The following DNAJB14 variants were observed in gnomAD, a reference collection of about 807,000 sequenced individuals.
DNAJB14 encodes dnaJ homolog subfamily B member 14.
Under a neutral mutation model 48.4 loss-of-function variants are expected in DNAJB14, and 22 were observed. The observed-to-expected ratio is 0.45, with a 90% CI of 0.32 to 0.65. The LOEUF is 0.65. Ranked by LOEUF, DNAJB14 falls within the 30% of genes least tolerant of loss-of-function variation. The pLI is 0.03. For missense variants in DNAJB14, 319 were observed against 458.8 expected (o/e 0.70, Z 2.78); for synonymous variants, 142 against 158.7 (o/e 0.89, Z 0.79).
intron 1 of DNAJB14, among the ~76,000 whole-genome samples, chr4:99,939,229 G>T (rs1726801299): frequency 1.3e-5 from 2 of 152,188 alleles, no homozygotes. Flanking sequence ...GGACATGGTG[G>T]TGCATGCCTG....
chr4:99,919,457 C>A (rs1242045052), intron 3 of DNAJB14, among the ~76,000 whole-genome samples: 1 of 151,964 alleles, frequency 6.6e-6, no homozygotes, highest in Non-Finnish European at 1.5e-5. Context: ...TGGTGGCAGG[C>A]GCCTGTAATC....
intron 1 of DNAJB14, among the ~76,000 whole-genome samples, chr4:99,943,600 C>T (rs1008812190): frequency 3.9e-4 from 59 of 152,276 alleles, no homozygotes; most frequent in African/African-American, 1.4e-3. Context: ...GAGATCAGTA[C>T]ATTGTCTCCA....
chr4:99,919,525 G>A (rs1196115868), intron 3 of DNAJB14, among the ~76,000 whole-genome samples: 9 of 152,024 alleles, frequency 5.9e-5, no homozygotes, highest in South Asian at 2.1e-4. Flanking sequence ...CAGAGGTTGC[G>A]GTGAGCTGAG....
intron 1 of DNAJB14, among the ~76,000 whole-genome samples, chr4:99,943,664 T>C (rs999325348): frequency 6.6e-6 from 1 of 152,150 alleles, no homozygotes; most frequent in African/African-American, 2.4e-5. Flanking sequence ...TGCTCAAAAA[T>C]AAGGTTACAA....
chr4:99,915,778 CTTGTTGATTTTCTG>C (rs1725833084), intron 3 of DNAJB14, among the ~76,000 whole-genome samples: 2 of 152,090 alleles, frequency 1.3e-5, no homozygotes, highest in South Asian at 4.1e-4. Context: ...CTTCTATATT[CTTGTTGATTTTCTG>C]TCTAATTGTT....
At chr4:99,938,097 C>CAAAAAAAAAAAAAAAAAAAAA (rs59597113) in intron 1 of DNAJB14, among the ~76,000 whole-genome samples, 8 of 40,970 alleles carry the variant, frequency 2.0e-4, no homozygotes, top group African/African-American at 2.4e-4. Context: ...GTTAAAAATA[C>CAAAAAAAAAAAAAAAAAAAAA]AAAAAAAAAA....
At chr4:99,904,606 T>C (rs1430698372) in intron 6 of DNAJB14, among the ~76,000 whole-genome samples, 1 of 152,012 alleles carries the variant, frequency 6.6e-6, no homozygotes, top group African/African-American at 2.4e-5. Flanking sequence ...AATCCCAAAA[T>C]CCAAAACACT....
At chr4:99,914,747 A>C (rs1725791038) in intron 3 of DNAJB14, among the ~76,000 whole-genome samples, 1 of 152,148 alleles carries the variant, frequency 6.6e-6, no homozygotes, top group East Asian at 1.9e-4. Flanking sequence ...TCTATGTCAG[A>C]CTGAGTTGTG....
At chr4:99,918,680 G>A (rs1380891000) in intron 3 of DNAJB14, among the ~76,000 whole-genome samples, 1 of 152,152 alleles carries the variant, frequency 6.6e-6, no homozygotes, top group Non-Finnish European at 1.5e-5. Flanking sequence ...TTCCCTTATG[G>A]GAACATCAGG....
intron 1 of DNAJB14, among the ~76,000 whole-genome samples, chr4:99,940,395 C>G (rs916494145): frequency 5.3e-5 from 8 of 152,016 alleles, no homozygotes; most frequent in African/African-American, 1.7e-4. Flanking sequence ...GAGTTTGAAA[C>G]CAGCCTGGTC....
intron 1 of DNAJB14, among the ~76,000 whole-genome samples, chr4:99,939,286 CG>C (rs1313221761): frequency 2.0e-5 from 3 of 152,156 alleles, no homozygotes; most frequent in Non-Finnish European, 2.9e-5. Context: ...TGCTTGAACC[CG>C]GGAGATGGAG....
intron 3 of DNAJB14, among the ~76,000 whole-genome samples, chr4:99,913,091 C>T (rs1225270580): frequency 1.3e-5 from 2 of 152,066 alleles, no homozygotes; most frequent in Non-Finnish European, 2.9e-5. Flanking sequence ...CTGTAGATTC[C>T]TTGGATTTCT....
Position 99,900,694 on chromosome 4 carries a change from CATAA to C in DNAJB14, c.*330_*333del, listed in dbSNP as rs1364510074. On this transcript the variant is annotated 3_prime_UTR_variant, in exon 8 of 8. Coordinates refer to ENST00000442697, the MANE Select transcript of DNAJB14 (RefSeq NM_001031723.4). ...CTGTATGTACACAAAATGATCATTC[CATAA>C]ATATTTACATGACAAGGGAAAAAAT... 1 of 177,182 alleles carries C rather than the reference CATAA, an allele frequency of 5.6e-6. No homozygotes were observed. Among genetic ancestry groups the C allele is most frequent in the African/African-American group, 2.4e-5 (1 of 42,216 alleles). 11.0% of individuals were successfully genotyped at this position (177,182 alleles called of 1,614,324 possible). A position where few individuals can be genotyped will look rare whatever the true frequency, so the allele number is the denominator to read the frequency against.
At position 99,898,928 on chromosome 4, in the gene DNAJB14, C is replaced by T. The variant is rs941355208; in HGVS notation, c.*2100G>A. ...ACATTAAGGACTGAATCTTTACTTG[C>T]ATACTTCATATGTGGCTTAAATTGT... On this transcript the variant is annotated 3_prime_UTR_variant, in exon 8 of 8. Coordinates refer to ENST00000442697, the MANE Select transcript of DNAJB14 (RefSeq NM_001031723.4). 6.6e-6 allele frequency: 1 copy of T among 151,898 alleles called. No individual in the cohort carries two copies. The highest frequency in any genetic ancestry group is 1.5e-5 in the Non-Finnish European group (1 of 67,806). The allele number at this position is 151,898 out of a possible 1,614,324, so 9.4% of individuals were successfully genotyped here.
Position 99,900,019 on chromosome 4 carries a change from T to C in DNAJB14, c.*1009A>G, listed in dbSNP as rs1169453505. ...AGATAAGTATACTGTAATCTACTTA[T>C]ATGTTTAGGAGTTGGCATAGGGTTA... On this transcript the variant is annotated 3_prime_UTR_variant, in exon 8 of 8. Coordinates refer to ENST00000442697, the MANE Select transcript of DNAJB14 (RefSeq NM_001031723.4). 1 of 152,416 alleles carries C rather than the reference T, an allele frequency of 6.6e-6. No individual in the cohort carries two copies. Among genetic ancestry groups the C allele is most frequent in the African/African-American group, 2.4e-5 (1 of 41,428 alleles). 9.4% of individuals were successfully genotyped at this position (152,416 alleles called of 1,614,324 possible).
At chr4:99,902,544 G>A (rs1725330780) in intron 7 of DNAJB14, among the ~76,000 whole-genome samples, 1 of 152,082 alleles carries the variant, frequency 6.6e-6, no homozygotes, top group Admixed American at 6.5e-5. Flanking sequence ...CTAAATAGAG[G>A]AGAAAACCAA....
At chr4:99,940,905 C>G (rs895970765) in intron 1 of DNAJB14, among the ~76,000 whole-genome samples, 1 of 151,322 alleles carries the variant, frequency 6.6e-6, no homozygotes, top group African/African-American at 2.4e-5. Flanking sequence ...GACATTTATA[C>G]GCTTTCCAAA....
Position 99,934,926 on chromosome 4 carries a change from C to G in DNAJB14, c.134-4305G>C, listed in dbSNP as rs151309472. 5.5e-3 allele frequency among the ~76,000 whole-genome samples: 630 copies of G among 114,094 alleles called. 4 individuals carry two copies. The highest frequency in any genetic ancestry group is 6.8e-3 in the Non-Finnish European group (392 of 57,360). The allele number at this position is 114,094 out of a possible 152,430, so 74.9% of individuals were successfully genotyped here. A position where few individuals can be genotyped will look rare whatever the true frequency, so the allele number is the denominator to read the frequency against. On this transcript the variant is annotated intron_variant, in intron 1 of 7. Coordinates refer to ENST00000442697, the MANE Select transcript of DNAJB14 (RefSeq NM_001031723.4). ...AGACTAAACTAGAAGAAACTAGACTCATAAATACAACAGGATAATGCTTAA... is the reference window on the plus strand; with the variant it reads ...AGACTAAACTAGAAGAAACTAGACTGATAAATACAACAGGATAATGCTTAA...
rs779832127 is a variant in DNAJB14, at chr4:99,946,617, G to A, written c.-46C>T. 1.4e-5 allele frequency: 23 copies of A among 1,602,680 alleles called. No individual in the cohort carries two copies. The highest frequency in any genetic ancestry group is 1.9e-5 in the Non-Finnish European group (22 of 1,172,914). ...TCCTCCGGCAGCGCAGCTAAGAAGG[G>A]CGGAAGCCGCCGCCGCGGAGGAGGC... is the stretch of plus-strand genomic sequence containing the variant. On this transcript the variant is annotated 5_prime_UTR_variant, in exon 1 of 8. Transcript: ENST00000442697.
Sources: allele counts gnomAD v4.1 joint callset (sites outside exome capture counted in the v4.1 genomes callset), GRCh38; gene constraint gnomAD v4.1.1; transcripts MANE v1.5; gene names NCBI Gene and HGNC (gene_info 2026-07-23, HGNC 2026-07-21).